The following YIPF6 variants were observed in gnomAD, a reference collection of about 807,000 sequenced individuals.
The protein encoded by YIPF6 is protein YIPF6.
A neutral mutation model predicts 16.8 loss-of-function variants in YIPF6; 3 were observed. The ratio of observed to expected loss-of-function variants is 0.18; its 90% confidence interval spans 0.08 to 0.46. The LOEUF is 0.46. YIPF6 is among the 20% of genes least tolerant of loss of function. YIPF6 has a pLI of 0.98. For synonymous variants in YIPF6, 67 were observed against 61.9 expected, an observed-to-expected ratio of 1.08 and a Z score of -0.38; for missense variants, 145 against 184.9, an observed-to-expected ratio of 0.78 and a Z score of 1.25.
chrX:68,525,117 A>G lies in YIPF6; in HGVS notation c.592+2200A>G, dbSNP rs1474659099. On this transcript the variant is annotated intron_variant, in intron 6 of 6. Coordinates refer to ENST00000462683, the MANE Select transcript of YIPF6 (RefSeq NM_173834.4). ...ACACTCCCACCAACAGTGTAAAAAT[A>G]TTTCTATTTCTTCACATCCTCTCCA... 1.6e-4 allele frequency among the ~76,000 whole-genome samples: 18 copies of G among 112,025 alleles called. No individual in the cohort carries two copies. In the Admixed American group the frequency reaches 1.7e-3, roughly 11 times the overall value.
intron 4 of YIPF6, among the ~76,000 whole-genome samples, chrX:68,520,267 T>C (rs953507374): frequency 8.9e-6 from 1 of 112,552 alleles, no homozygotes; most frequent in Non-Finnish European, 1.9e-5. Context: ...GGTTGTGAGC[T>C]TACAGTTATT....
chrX:68,501,254 G>T (rs1360915393), intron 1 of YIPF6, among the ~76,000 whole-genome samples: 2 of 112,106 alleles, frequency 1.8e-5, no homozygotes, highest in African/African-American at 6.5e-5. Flanking sequence ...GAATATTACA[G>T]AAATTTAAAG....
Position 68,499,130 on chromosome X carries a change from T to C in YIPF6, c.57+7T>C. On this transcript the variant is annotated splice_region_variant and intron_variant, in intron 1 of 6. Coordinates refer to ENST00000462683, the MANE Select transcript of YIPF6 (RefSeq NM_173834.4). ...AGCATCGCCCAGGCCCCTGGTGAGC[T>C]TGGGATCTGCGACAAAAGGGACCGA... is the stretch of plus-strand genomic sequence containing the variant. The C allele has an allele frequency of 8.5e-7, 1 of 1,177,852 alleles. No homozygotes were observed. The highest frequency in any genetic ancestry group is 1.1e-6 in the Non-Finnish European group (1 of 878,545).
intron 4 of YIPF6, among the ~76,000 whole-genome samples, chrX:68,520,345 A>G (rs778933426): frequency 8.9e-6 from 1 of 112,841 alleles, no homozygotes; most frequent in Admixed American, 9.4e-5. Flanking sequence ...TTCTTAGACA[A>G]AGAAAGGATA....
intron 6 of YIPF6, among the ~76,000 whole-genome samples, chrX:68,529,512 C>G (rs2079162734): frequency 9.0e-6 from 1 of 110,577 alleles, no homozygotes; most frequent in Non-Finnish European, 1.9e-5. Flanking sequence ...GTTTTGTTCC[C>G]TTGCTGGCAA....
intron 2 of YIPF6, among the ~76,000 whole-genome samples, chrX:68,512,197 C>T (rs565832871): frequency 8.1e-5 from 9 of 111,584 alleles, no homozygotes; most frequent in Admixed American, 1.9e-4. Flanking sequence ...CGGTGGCTCG[C>T]GCCTGTAATC....
intron 1 of YIPF6, among the ~76,000 whole-genome samples, chrX:68,501,929 C>G (rs1007301125): frequency 9.0e-6 from 1 of 111,728 alleles, no homozygotes; most frequent in East Asian, 2.8e-4. Context: ...CCCTCCTTGC[C>G]TCAGTTTCCC....
In YIPF6 at chrX:68,536,720, T is replaced by C. The variant is rs1471004445; in HGVS notation, c.*4721T>C. The C allele has an allele frequency of 8.9e-6, 1 of 111,734 alleles. No homozygotes were observed. The highest frequency in any genetic ancestry group is 1.9e-5 in the Non-Finnish European group (1 of 53,168). The allele number at this position is 111,734 out of a possible 1,213,427, so 9.2% of individuals were successfully genotyped here. On this transcript the variant is annotated 3_prime_UTR_variant, in exon 7 of 7. Coordinates refer to ENST00000462683, the MANE Select transcript of YIPF6 (RefSeq NM_173834.4). ...GCAGCATCTGAGAACATAAGAACAG[T>C]TGGACATTGGAAAGAGGTTTGTTGC...
chrX:68,518,101 G>A (rs1445904161), intron 3 of YIPF6, among the ~76,000 whole-genome samples: 2 of 110,087 alleles, frequency 1.8e-5, no homozygotes, highest in Non-Finnish European at 3.8e-5. Flanking sequence ...GTGAAACCCC[G>A]TCTCTACTAA....
chrX:68,526,843 AAGCTTTT>A (rs2079150470), intron 6 of YIPF6, among the ~76,000 whole-genome samples: 1 of 111,938 alleles, frequency 8.9e-6, no homozygotes, highest in African/African-American at 3.3e-5. Flanking sequence ...CATGGTGGGT[AAGCTTTT>A]TGATATGCTG....
chrX:68,528,363 G>A (rs1025025397), intron 6 of YIPF6, among the ~76,000 whole-genome samples: 4 of 111,193 alleles, frequency 3.6e-5, no homozygotes, highest in Admixed American at 9.6e-5. Flanking sequence ...TTTATTTTGA[G>A]CTTATATGTG....
intron 1 of YIPF6, 85 bp from the exon 2 acceptor site, chrX:68,511,764 T>C: frequency 9.2e-7 from 1 of 1,082,034 alleles, no homozygotes; most frequent in South Asian, 2.4e-5. Context: ...AAATACATGG[T>C]CCCAACTCTC....
chrX:68,531,553 C>T (rs1433935664), intron 6 of YIPF6, among the ~76,000 whole-genome samples: 2 of 112,170 alleles, frequency 1.8e-5, no homozygotes, highest in African/African-American at 6.5e-5. Flanking sequence ...AGCACGAGGC[C>T]GTTTACCATA....
At chrX:68,521,338 A>C in intron 4 of YIPF6, 34 bp from the exon 5 acceptor site, 2 of 1,198,147 alleles carry the variant, frequency 1.7e-6, no homozygotes, top group Non-Finnish European at 2.2e-6. Context: ...TAAGTAAAAG[A>C]TTAAGCAATT....
In YIPF6 at chrX:68,518,754, T is replaced by C; in HGVS notation, c.266-16T>C. 1 of 1,173,160 alleles carries C rather than the reference T, an allele frequency of 8.5e-7. No individual in the cohort carries two copies. The highest frequency in any genetic ancestry group is 2.7e-5 in the Admixed American group (1 of 37,581). On this transcript the variant is annotated splice_polypyrimidine_tract_variant and intron_variant, in intron 3 of 6. Transcript: ENST00000462683. ...AGAAAATATTACCTTCGCTTCTGTC[T>C]TTTCTTGTCTTGTAGGGGATTTGTG... is the stretch of plus-strand genomic sequence containing the variant.
In YIPF6 at chrX:68,521,712, C is replaced by CG. The variant is rs753021304; in HGVS notation, c.434+216dup. ...CTGGGATCCTCCTGCCCCAGCATCCCGAGTAGCTGGGACTACAGGCATGTG... is the reference window on the plus strand; with the variant it reads ...CTGGGATCCTCCTGCCCCAGCATCCCGGAGTAGCTGGGACTACAGGCATGTG... On this transcript the variant is annotated intron_variant, in intron 5 of 6. Coordinates refer to ENST00000462683, the MANE Select transcript of YIPF6 (RefSeq NM_173834.4). Among the ~76,000 whole-genome samples the CG allele has an allele frequency of 4.1e-3, 444 of 108,906 alleles. 1 individual carries two copies. Among genetic ancestry groups the CG allele is most frequent in the African/African-American group, 0.014 (424 of 29,796 alleles). The allele number at this position is 108,906 out of a possible 115,157, so 94.6% of individuals were successfully genotyped here.
At position 68,535,422 on chromosome X, in the gene YIPF6, A is replaced by C. The variant is rs2147830091; in HGVS notation, c.*3423A>C. 8.9e-6 allele frequency: 1 copy of C among 112,427 alleles called. No homozygotes were observed. Among genetic ancestry groups the C allele is most frequent in the East Asian group, 2.8e-4 (1 of 3,584 alleles). 9.3% of individuals were successfully genotyped at this position (112,427 alleles called of 1,213,427 possible). Reference sequence around the variant, plus strand: ...GGGTAACATCAAGTCATTAGAATTTATCTAAAGCTTATCATGATTTGATAA... The same window carrying C: ...GGGTAACATCAAGTCATTAGAATTTCTCTAAAGCTTATCATGATTTGATAA... On this transcript the variant is annotated 3_prime_UTR_variant, in exon 7 of 7. Coordinates refer to ENST00000462683, the MANE Select transcript of YIPF6 (RefSeq NM_173834.4).
rs984687813 is a variant in YIPF6, at chrX:68,536,070, G to T, written c.*4071G>T. On this transcript the variant is annotated 3_prime_UTR_variant, in exon 7 of 7. Transcript: ENST00000462683. Reference sequence around the variant, plus strand: ...CTCCCAAAACAGTGGGATTGCAGGCGTGAGCCACCATGCCTGGCTGAAATT... The same window carrying T: ...CTCCCAAAACAGTGGGATTGCAGGCTTGAGCCACCATGCCTGGCTGAAATT... 1 of 112,258 alleles carries T rather than the reference G, an allele frequency of 8.9e-6. No homozygotes were observed. The highest frequency in any genetic ancestry group is 3.2e-5 in the African/African-American group (1 of 30,880). 9.3% of individuals were successfully genotyped at this position (112,258 alleles called of 1,213,427 possible). A position where few individuals can be genotyped will look rare whatever the true frequency, so the allele number is the denominator to read the frequency against.
chrX:68,506,165 T>G (rs1385876408), intron 1 of YIPF6, among the ~76,000 whole-genome samples: 1 of 110,784 alleles, frequency 9.0e-6, no homozygotes, highest in Non-Finnish European at 1.9e-5. Context: ...AGGTAAGGAC[T>G]TTTTCTTTGT....
Sources: allele counts gnomAD v4.1 joint callset (sites outside exome capture counted in the v4.1 genomes callset), GRCh38; gene constraint gnomAD v4.1.1; transcripts MANE v1.5; gene names NCBI Gene and HGNC (gene_info 2026-07-23, HGNC 2026-07-21).